Variants in ARHGEF7 observed in about 807,000 individuals in gnomAD.
ARHGEF7 encodes the protein Rho guanine nucleotide exchange factor 7.
In ARHGEF7, 33 loss-of-function variants were observed where a neutral mutation model predicts 109.8. That is an observed-to-expected ratio of 0.30 (90% CI 0.23 to 0.40). The LOEUF is 0.40. ARHGEF7 is among the 10% of genes least tolerant of loss of function. The pLI is 1.00. For synonymous variants in ARHGEF7, 458 were observed against 424.6 expected (o/e 1.08, Z -0.97); for missense variants, 938 against 1,098.5 (o/e 0.85, Z 2.07).
chr13:111,229,223 ACTT>A (rs1478806750), intron 5 of ARHGEF7, among the ~76,000 whole-genome samples: 1 of 152,144 alleles, frequency 6.6e-6, no homozygotes, highest in Non-Finnish European at 1.5e-5. Context: ...CTCAAGGACT[ACTT>A]CCAGCTCACT....
intron 1 of ARHGEF7, among the ~76,000 whole-genome samples, chr13:111,148,443 T>C (rs1052211697): frequency 1.3e-5 from 2 of 152,244 alleles, no homozygotes; most frequent in African/African-American, 4.8e-5. Flanking sequence ...CAGGTACCCA[T>C]GTACATGTAC....
At chr13:111,252,518 T>G (rs1319968441) in intron 8 of ARHGEF7, among the ~76,000 whole-genome samples, 4 of 152,234 alleles carry the variant, frequency 2.6e-5, no homozygotes, top group African/African-American at 9.6e-5. Context: ...TGAAAAGAAG[T>G]TATCCCAGAA....
chr13:111,231,281 T>C (rs1482000894), intron 5 of ARHGEF7, among the ~76,000 whole-genome samples: 3 of 152,202 alleles, frequency 2.0e-5, no homozygotes, highest in Admixed American at 6.5e-5. Context: ...AGAAAAGAGA[T>C]TGAGTAGGTA....
intron 16 of ARHGEF7, among the ~76,000 whole-genome samples, chr13:111,283,697 C>A (rs1046435514): frequency 6.6e-6 from 1 of 152,214 alleles, no homozygotes; most frequent in African/African-American, 2.4e-5. Flanking sequence ...GTGAGGCCAT[C>A]GCTCAGCATC....
intron 1 of ARHGEF7, among the ~76,000 whole-genome samples, chr13:111,118,224 C>T (rs2066931992): frequency 6.6e-6 from 1 of 152,216 alleles, no homozygotes; most frequent in Non-Finnish European, 1.5e-5. Context: ...TAATGTGTTT[C>T]TTCCATTACG....
intron 8 of ARHGEF7, among the ~76,000 whole-genome samples, chr13:111,251,015 A>T (rs1332990739): frequency 6.6e-6 from 1 of 152,184 alleles, no homozygotes; most frequent in South Asian, 2.1e-4. Flanking sequence ...ATCACTGGAC[A>T]TTGCTGAGTG....
intron 5 of ARHGEF7, among the ~76,000 whole-genome samples, chr13:111,224,653 T>A (rs9522165): frequency 0.31 from 47,475 of 152,148 alleles, 8,254 homozygotes; most frequent in Non-Finnish European, 0.39. Context: ...ACTTTTTAAG[T>A]TGGTCACTTT....
Position 111,244,313 on chromosome 13 carries a change from A to C in ARHGEF7, c.950+19A>C. 6.7e-7 allele frequency: 1 copy of C among 1,482,836 alleles called. No individual in the cohort carries two copies. The highest frequency in any genetic ancestry group is 9.3e-7 in the Non-Finnish European group (1 of 1,078,168). 91.9% of individuals were successfully genotyped at this position (1,482,836 alleles called of 1,614,324 possible). A position where few individuals can be genotyped will look rare whatever the true frequency, so the allele number is the denominator to read the frequency against. ...GCACCAAGTAAGTAAGATGCTAAAA[A>C]TTTGCAACACTCAGGTTGGTATAAT... On this transcript the variant is annotated intron_variant, in intron 8 of 21. Coordinates refer to ENST00000646102, the MANE Select transcript of ARHGEF7 (RefSeq NM_001354046.2).
intron 19 of ARHGEF7, chr13:111,292,980 G>T: frequency 8.1e-6 from 8 of 985,472 alleles, no homozygotes; most frequent in Non-Finnish European, 9.6e-6. Flanking sequence ...CGTTGTGGCC[G>T]TGAAGTGGGA....
At chr13:111,204,314 G>T (rs2081518963) in intron 2 of ARHGEF7, among the ~76,000 whole-genome samples, 1 of 152,194 alleles carries the variant, frequency 6.6e-6, no homozygotes, top group African/African-American at 2.4e-5. Flanking sequence ...ATCTCAGTTA[G>T]AACATATGGC....
intron 5 of ARHGEF7, among the ~76,000 whole-genome samples, chr13:111,232,993 TG>T (rs1392487302): frequency 6.6e-6 from 1 of 152,050 alleles, no homozygotes; most frequent in African/African-American, 2.4e-5. Flanking sequence ...AGGGTGGGGA[TG>T]GGGTGCTGTG....
At chr13:111,116,134 C>A (rs1389589824) in intron 1 of ARHGEF7, among the ~76,000 whole-genome samples, 1 of 148,550 alleles carries the variant, frequency 6.7e-6, no homozygotes, top group Non-Finnish European at 1.5e-5. Context: ...TTTCGCCTCC[C>A]AGGTTAATTG....
chr13:111,192,724 A>ATT (rs770060238), intron 2 of ARHGEF7, among the ~76,000 whole-genome samples: 152,314 of 152,316 alleles, frequency 1, 76,156 homozygotes, highest in Non-Finnish European at 1. Flanking sequence ...CTGGAAGGGT[A>ATT]CCGAGTTACC....
At chr13:111,115,738 C>A in intron 1 of ARHGEF7, 47 bp downstream of exon 1, 1 of 1,078,424 alleles carries the variant, frequency 9.3e-7, no homozygotes, top group East Asian at 4.9e-5. Context: ...GTCCGGCCCG[C>A]TGCGGCCCGG....
intron 1 of ARHGEF7, among the ~76,000 whole-genome samples, chr13:111,123,134 A>T (rs2153323060): frequency 6.6e-6 from 1 of 152,274 alleles, no homozygotes; most frequent in South Asian, 2.1e-4. Flanking sequence ...CTGAGCTGTG[A>T]CTTGTTTTGG....
rs558350077 is a variant in ARHGEF7, at chr13:111,292,668, T to C, written c.2311+374T>C. 5.0e-5 allele frequency: 54 copies of C among 1,084,876 alleles called. No individual in the cohort carries two copies. In the African/African-American group the frequency reaches 8.6e-4, roughly 17 times the overall value. 67.2% of individuals were successfully genotyped at this position (1,084,876 alleles called of 1,614,324 possible). ...CTGGATACAGCTGTATGAACACTTT[T>C]CTATTTTATACTGAAATCACACAGG... On this transcript the variant is annotated intron_variant, in intron 19 of 21. Coordinates refer to ENST00000646102, the MANE Select transcript of ARHGEF7 (RefSeq NM_001354046.2).
At chr13:111,132,057 A>G (rs2074784352) in intron 1 of ARHGEF7, among the ~76,000 whole-genome samples, 1 of 152,194 alleles carries the variant, frequency 6.6e-6, no homozygotes, top group African/African-American at 2.4e-5. Context: ...TAGGGCACTC[A>G]TTAACTGTCT....
At chr13:111,207,459 T>C (rs959017250) in intron 3 of ARHGEF7, among the ~76,000 whole-genome samples, 5 of 152,174 alleles carry the variant, frequency 3.3e-5, no homozygotes, top group Non-Finnish European at 5.9e-5. Flanking sequence ...TATGCCACCA[T>C]GCCTGTCCTA....
intron 18 of ARHGEF7, among the ~76,000 whole-genome samples, chr13:111,289,870 A>AG (rs2093203168): frequency 6.6e-6 from 1 of 152,144 alleles, no homozygotes; most frequent in South Asian, 2.1e-4. Context: ...CTTTTTGCCA[A>AG]GGGTCAACAC....
Sources: gnomAD v4.1 joint callset for allele counts (sites outside exome capture counted in the v4.1 genomes callset) on GRCh38, gnomAD v4.1.1 for gene constraint, MANE v1.5 for transcripts, NCBI Gene and HGNC (gene_info 2026-07-23, HGNC 2026-07-21) for gene names.